Variants in PRKCA observed in about 807,000 individuals in gnomAD.
PRKCA encodes the protein protein kinase C alpha.
A neutral mutation model predicts 87.0 loss-of-function variants in PRKCA; 27 were observed. That is an observed-to-expected ratio of 0.31 (90% confidence interval 0.23 to 0.43). The LOEUF is 0.43. PRKCA is among the 20% of genes least tolerant of loss of function. The pLI is 1.00. For missense variants in PRKCA, 518 were observed against 852.3 expected (o/e 0.61, Z 4.88); for synonymous variants, 329 against 311.1 (o/e 1.06, Z -0.61).
At chr17:66,587,863 A>ATG (rs1567917216) in intron 3 of PRKCA, among the ~76,000 whole-genome samples, 1 of 57,258 alleles carries the variant, frequency 1.7e-5, no homozygotes, top group South Asian at 8.7e-4. Context: ...ACATATATAC[A>ATG]TATGTATGTG....
chr17:66,447,356 C>T (rs1246457458), intron 2 of PRKCA, among the ~76,000 whole-genome samples: 1 of 152,100 alleles, frequency 6.6e-6, no homozygotes, highest in Non-Finnish European at 1.5e-5. Context: ...GGATGCCAGG[C>T]GAGTTCTGAG....
intron 3 of PRKCA, among the ~76,000 whole-genome samples, chr17:66,550,397 T>A (rs1968289035): frequency 6.6e-6 from 1 of 152,138 alleles, no homozygotes; most frequent in Admixed American, 6.5e-5. Context: ...ATGTCTGTAA[T>A]CCCAACACTT....
intron 3 of PRKCA, among the ~76,000 whole-genome samples, chr17:66,620,593 A>G (rs931723318): frequency 6.6e-6 from 1 of 152,226 alleles, no homozygotes. Context: ...TAAGGGGAAA[A>G]AAAATGAATG....
intron 8 of PRKCA, among the ~76,000 whole-genome samples, chr17:66,712,759 G>T (rs1973364483): frequency 6.6e-6 from 1 of 152,126 alleles, no homozygotes; most frequent in South Asian, 2.1e-4. Context: ...TAGCTGTATA[G>T]CCTGGAGCCA....
rs187486521 is a variant in PRKCA, at chr17:66,803,147, G to A, written c.1855-726G>A. ...TGGACCCTGGAGGAGAGGAACAGCC[G>A]AGACAGCAGGCCTCTCCCTGCCTCC... On this transcript the variant is annotated intron_variant, in intron 16 of 16. Coordinates refer to ENST00000413366, the MANE Select transcript of PRKCA (RefSeq NM_002737.3). The surrounding 1 kb of genome is among the most constrained non-coding windows in gnomAD (Gnocchi z 4.4). Among the ~76,000 whole-genome samples the A allele has an allele frequency of 2.6e-5, 4 of 152,236 alleles. No homozygotes were observed. The highest frequency in any genetic ancestry group is 4.1e-4 in the South Asian group (2 of 4,824).
chr17:66,562,203 A>G (rs1205198587), intron 3 of PRKCA, among the ~76,000 whole-genome samples: 1 of 141,010 alleles, frequency 7.1e-6, no homozygotes, highest in African/African-American at 2.6e-5. Flanking sequence ...AAAATTAAAT[A>G]TATATAATTA....
In PRKCA at chr17:66,804,999, T is replaced by C; in HGVS notation, c.*962T>C. 2.0e-6 allele frequency: 2 copies of C among 985,250 alleles called. No individual in the cohort carries two copies. Among genetic ancestry groups the C allele is most frequent in the South Asian group, 9.4e-5 (2 of 21,280 alleles). 61.0% of individuals were successfully genotyped at this position (985,250 alleles called of 1,614,324 possible). A position where few individuals can be genotyped will look rare whatever the true frequency, so the allele number is the denominator to read the frequency against. On this transcript the variant is annotated 3_prime_UTR_variant, in exon 17 of 17. Transcript: ENST00000413366. ...TACGCCCTCTCCCCTTTTGTGCTTA[T>C]TTATTTAATAGGCTGCAGTGTCGCT...
At chr17:66,630,392 A>T (rs1970978171) in intron 3 of PRKCA, among the ~76,000 whole-genome samples, 1 of 152,196 alleles carries the variant, frequency 6.6e-6, no homozygotes, top group South Asian at 2.1e-4. Context: ...CTCTCTGATG[A>T]TCATAGGTCC....
At chr17:66,736,245 G>A (rs931507294) in intron 10 of PRKCA, among the ~76,000 whole-genome samples, 1 of 149,506 alleles carries the variant, frequency 6.7e-6, no homozygotes, top group East Asian at 2.0e-4. Context: ...CAGACTTTGG[G>A]ATACAAAAAC....
At chr17:66,338,308 T>C (rs1483097014) in intron 2 of PRKCA, among the ~76,000 whole-genome samples, 1 of 152,118 alleles carries the variant, frequency 6.6e-6, no homozygotes, top group Non-Finnish European at 1.5e-5. Context: ...GACTGAAGAC[T>C]TCAGTCCAAT....
chr17:66,587,449 A>G lies in PRKCA; in HGVS notation c.289-53906A>G, dbSNP rs369827491. 6.1e-4 allele frequency among the ~76,000 whole-genome samples: 93 copies of G among 152,222 alleles called. 1 individual carries two copies. Among genetic ancestry groups the G allele is most frequent in the African/African-American group, 2.2e-3 (93 of 41,568 alleles). ...AACCTGATAGATTTGAGATTTATCC[A>G]TATTGATTTATGTAGATCTAGTTCA... On this transcript the variant is annotated intron_variant, in intron 3 of 16. Transcript: ENST00000413366.
intron 2 of PRKCA, among the ~76,000 whole-genome samples, chr17:66,367,934 A>C (rs1039857864): frequency 6.6e-6 from 1 of 152,220 alleles, no homozygotes; most frequent in South Asian, 2.1e-4. Context: ...ATCAGTTACA[A>C]TGAATTCCCT....
chr17:66,637,074 G>A (rs1301980330), intron 3 of PRKCA, among the ~76,000 whole-genome samples: 3 of 152,184 alleles, frequency 2.0e-5, no homozygotes, highest in African/African-American at 4.8e-5. Flanking sequence ...AGGTGGAAGC[G>A]ATGGTTTCCT....
intron 3 of PRKCA, among the ~76,000 whole-genome samples, chr17:66,578,584 A>G (rs1346873496): frequency 1.3e-5 from 2 of 151,872 alleles, no homozygotes; most frequent in Non-Finnish European, 2.9e-5. Flanking sequence ...TGCACAAACC[A>G]CCCCCTCCTC....
intron 16 of PRKCA, among the ~76,000 whole-genome samples, chr17:66,793,828 T>C (rs752879876): frequency 6.6e-6 from 1 of 152,138 alleles, no homozygotes; most frequent in Non-Finnish European, 1.5e-5. Flanking sequence ...GAAAGCACTT[T>C]CGGCTTTGCC....
intron 8 of PRKCA, among the ~76,000 whole-genome samples, chr17:66,699,924 C>T (rs1973021446): frequency 6.6e-6 from 1 of 152,246 alleles, no homozygotes. Context: ...TTCCAAAACA[C>T]TGAAAGGGAA....
intron 3 of PRKCA, among the ~76,000 whole-genome samples, chr17:66,588,538 G>A (rs1411349455): frequency 6.6e-6 from 1 of 151,564 alleles, no homozygotes; most frequent in Admixed American, 6.6e-5. Context: ...AGACAAGTTG[G>A]TGGTGTGTTA....
At chr17:66,418,918 A>ATTTTTTT (rs34806174) in intron 2 of PRKCA, among the ~76,000 whole-genome samples, 1 of 141,572 alleles carries the variant, frequency 7.1e-6, no homozygotes. Context: ...CGCCCGGCTA[A>ATTTTTTT]TTTTTTTTTT....
chr17:66,610,834 G>A (rs1289832434), intron 3 of PRKCA, among the ~76,000 whole-genome samples: 1 of 152,134 alleles, frequency 6.6e-6, no homozygotes, highest in African/African-American at 2.4e-5. Context: ...TGAAATTGCG[G>A]AGGGCTAGTT....
Sources: allele counts gnomAD v4.1 joint callset (sites outside exome capture counted in the v4.1 genomes callset), GRCh38; gene constraint gnomAD v4.1.1; non-coding constraint Gnocchi (gnomAD v3.1); transcripts MANE v1.5; gene names NCBI Gene and HGNC (gene_info 2026-07-23, HGNC 2026-07-21).